Variants in GALNT8 observed in about 807,000 individuals in gnomAD.
GALNT8 encodes probable polypeptide N-acetylgalactosaminyltransferase 8.
In GALNT8, 66 loss-of-function variants were observed where a neutral mutation model predicts 62.7. That is an observed-to-expected ratio of 1.05 (90% confidence interval 0.86 to 1.29). The LOEUF is 1.29. GALNT8 is among the 50% of genes most tolerant of loss of function. The pLI is 0.00. For synonymous variants in GALNT8, 288 were observed against 294.3 expected (o/e 0.98, Z 0.22); for missense variants, 771 against 791.8 (o/e 0.97, Z 0.32).
chr12:4,729,359 A>G (rs984823480), intron 2 of GALNT8, among the ~76,000 whole-genome samples: 2 of 152,132 alleles, frequency 1.3e-5, no homozygotes, highest in African/African-American at 4.8e-5. Context: ...CGTACAATAC[A>G]ACTCTTGAAC....
At chr12:4,760,022 T>A (rs1946364367) in intron 6 of GALNT8, among the ~76,000 whole-genome samples, 1 of 152,236 alleles carries the variant, frequency 6.6e-6, no homozygotes, top group African/African-American at 2.4e-5. Context: ...AAATTAGTTA[T>A]CTATTGCTGT....
intron 6 of GALNT8, among the ~76,000 whole-genome samples, chr12:4,747,372 A>G (rs957135733): frequency 2.0e-5 from 3 of 152,132 alleles, no homozygotes; most frequent in South Asian, 2.1e-4. Context: ...CTCTCCCCCA[A>G]CTACCCTTCC....
chr12:4,765,700 G>A lies in GALNT8; in HGVS notation c.1761+154G>A, dbSNP rs564854726. On this transcript the variant is annotated intron_variant, in intron 10 of 10. Coordinates refer to ENST00000252318, the MANE Select transcript of GALNT8 (RefSeq NM_017417.2). ...AGATTTGGGTTGGCTGTGAGATCTG[G>A]AAGGCAGGACATCCAGGGAAATTCT... Among the ~76,000 whole-genome samples, 4 of 152,286 alleles carry A rather than the reference G, an allele frequency of 2.6e-5. No homozygotes were observed. In the East Asian group the frequency reaches 7.7e-4, roughly 29 times the overall value.
At chr12:4,728,887 CA>C (rs1224770053) in intron 2 of GALNT8, among the ~76,000 whole-genome samples, 3 of 152,122 alleles carry the variant, frequency 2.0e-5, no homozygotes, top group African/African-American at 7.2e-5. Context: ...TCAATTTCTG[CA>C]AAGAAACCAG....
Position 4,744,527 on chromosome 12 carries a change from G to A in GALNT8, c.687G>A (p.Lys229=). ...VDDFSSNGEL[K]VHLDEKIKLY... is the part of the protein sequence containing the mutation. The stretch of plus-strand genomic sequence containing the variant: ...GCACTTGATTGACAGGAGAACTAAA[G>A]GTACACTTGGATGAGAAGATTAAGC... The change falls in exon 4 of 11, where the codon AAG becomes AAA. Residue 229 remains lysine, a synonymous_variant. Transcript: ENST00000252318. 6.2e-7 allele frequency: 1 copy of A among 1,606,574 alleles called. No individual in the cohort carries two copies. The highest frequency in any genetic ancestry group is 8.5e-7 in the Non-Finnish European group (1 of 1,175,956).
chr12:4,762,938 A>G (rs1447884664), intron 7 of GALNT8, among the ~76,000 whole-genome samples: 1 of 152,272 alleles, frequency 6.6e-6, no homozygotes, highest in African/African-American at 2.4e-5. Flanking sequence ...GAAGTGACGT[A>G]CAGACATCGG....
chr12:4,720,517 GGC>G lies in GALNT8; in HGVS notation c.-160_-159del, dbSNP rs1180369027. 11 of 617,082 alleles carry G rather than the reference GGC, an allele frequency of 1.8e-5. No individual in the cohort carries two copies. The African/African-American group carries it at 2.0e-4, about 11-fold the overall frequency. 38.2% of individuals were successfully genotyped at this position (617,082 alleles called of 1,614,324 possible). A position where few individuals can be genotyped will look rare whatever the true frequency, so the allele number is the denominator to read the frequency against. ...CAATAAGGAGACTTTGCTCCTCAGAGGCCACCCGTGGCTTCCCATGGGTGTCT... is the reference window on the plus strand; with the variant it reads ...CAATAAGGAGACTTTGCTCCTCAGAGCACCCGTGGCTTCCCATGGGTGTCT... On this transcript the variant is annotated 5_prime_UTR_variant, in exon 1 of 11. Coordinates refer to ENST00000252318, the MANE Select transcript of GALNT8 (RefSeq NM_017417.2).
intron 6 of GALNT8, among the ~76,000 whole-genome samples, chr12:4,755,134 C>A (rs1425367018): frequency 6.6e-6 from 1 of 152,220 alleles, no homozygotes; most frequent in Non-Finnish European, 1.5e-5. Context: ...CCTGCCTCCC[C>A]ACCCCCAATC....
chr12:4,729,643 TCTATTATGGAATAGTATTCCA>T (rs1946212272), intron 2 of GALNT8, among the ~76,000 whole-genome samples: 1 of 152,170 alleles, frequency 6.6e-6, no homozygotes, highest in South Asian at 2.1e-4. Flanking sequence ...TAGTATTCCA[TCTATTATGGAATAGTATTCCA>T]CTATTATGAA....
rs1318502906 is a variant in GALNT8, at chr12:4,763,981, C to A, written c.1527C>A (p.Cys509Ter). 1.3e-6 allele frequency: 2 copies of A among 1,592,102 alleles called. No individual in the cohort carries two copies. The highest frequency in any genetic ancestry group is 4.5e-5 in the East Asian group (2 of 44,780). ...RMKNLLDENVCLDQGPVPGNT... is the reference protein window; with the variant it reads ...RMKNLLDENV ...AAAACCTATTGGATGAAAATGTCTG[C>A]TTGGATCAGGGACCCGTTCCAGGCA... is the stretch of plus-strand genomic sequence containing the variant. The change falls in exon 9 of 11, where the codon TGC (cysteine) becomes TGA (stop). Residue 509 changes from cysteine (C) to a stop codon, truncating the protein, a stop_gained. Transcript: ENST00000252318. LOFTEE classifies it high-confidence loss of function.
At chr12:4,753,327 T>C (rs552822657) in intron 6 of GALNT8, among the ~76,000 whole-genome samples, 2 of 152,314 alleles carry the variant, frequency 1.3e-5, no homozygotes, top group Admixed American at 1.3e-4. Flanking sequence ...GGCTATTTTC[T>C]AGATGCTGTA....
chr12:4,766,908 C>T (rs1345006152), intron 10 of GALNT8, among the ~76,000 whole-genome samples: 2 of 151,664 alleles, frequency 1.3e-5, no homozygotes, highest in African/African-American at 4.8e-5. Context: ...GCAAGATTTG[C>T]TTACAGTTTC....
chr12:4,723,155 A>G (rs1046349955), intron 1 of GALNT8, among the ~76,000 whole-genome samples: 39 of 152,176 alleles, frequency 2.6e-4, no homozygotes, highest in African/African-American at 8.7e-4. Context: ...CGTCTCATTC[A>G]CTACTCATTT....
rs75245069 is a variant in GALNT8, at chr12:4,768,086, A to G, written c.1761+2540A>G. On this transcript the variant is annotated intron_variant, in intron 10 of 10. Coordinates refer to ENST00000252318, the MANE Select transcript of GALNT8 (RefSeq NM_017417.2). The stretch of plus-strand genomic sequence containing the variant: ...CTTTCTTAAGAACTTCAATTACCTG[A>G]CTTTAAATTTTTCAATTCTTAAGTT... Among the ~76,000 whole-genome samples the G allele has an allele frequency of 8.4e-3, 1,276 of 152,254 alleles. 14 individuals carry two copies. The highest frequency in any genetic ancestry group is 0.029 in the African/African-American group (1,192 of 41,546).
chr12:4,742,898 C>T (rs1245656557), intron 3 of GALNT8, among the ~76,000 whole-genome samples: 1 of 152,162 alleles, frequency 6.6e-6, no homozygotes, highest in African/African-American at 2.4e-5. Flanking sequence ...GTCGAGGCGT[C>T]CTTAATCTTT....
chr12:4,770,830 A>G (rs1476993144), intron 10 of GALNT8, among the ~76,000 whole-genome samples: 1 of 152,208 alleles, frequency 6.6e-6, no homozygotes, highest in Non-Finnish European at 1.5e-5. Flanking sequence ...AGTAGAGTTA[A>G]GGTCTGGGTT....
At chr12:4,746,283 T>C (rs778113109) in intron 6 of GALNT8, 25 bp downstream of exon 6, 16 of 1,260,610 alleles carry the variant, frequency 1.3e-5, no homozygotes, top group Non-Finnish European at 1.7e-5. Flanking sequence ...CTTTTCTTTA[T>C]GGGACAAAGC....
chr12:4,752,335 T>G (rs922100481), intron 6 of GALNT8, among the ~76,000 whole-genome samples: 4 of 152,068 alleles, frequency 2.6e-5, no homozygotes, highest in Non-Finnish European at 5.9e-5. Flanking sequence ...TTCTTGTTTC[T>G]TCTCTTTCCT....
chr12:4,735,449 C>T (rs575360328), intron 2 of GALNT8, among the ~76,000 whole-genome samples: 1 of 152,234 alleles, frequency 6.6e-6, no homozygotes, highest in African/African-American at 2.4e-5. Context: ...CCTGCAGGTC[C>T]TAGCATACAT....
Sources: allele counts gnomAD v4.1 joint callset (sites outside exome capture counted in the v4.1 genomes callset), GRCh38; gene constraint gnomAD v4.1.1; transcripts MANE v1.5; gene names NCBI Gene and HGNC (gene_info 2026-07-23, HGNC 2026-07-21).